Variants in CATSPERG observed in about 807,000 individuals in gnomAD.
CATSPERG encodes catsper channel auxiliary subunit gamma.
A neutral mutation model predicts 145.0 loss-of-function variants in CATSPERG; 115 were observed. The observed-to-expected ratio is 0.79, with a 90% CI of 0.68 to 0.93. The LOEUF (loss-of-function observed/expected upper bound fraction) is 0.93. CATSPERG is among the 40% of genes least tolerant of loss of function. The pLI is 0.00. For synonymous variants in CATSPERG, 588 were observed against 589.0 expected (o/e 1.00, Z 0.02); for missense variants, 1,296 against 1,490.1 (o/e 0.87, Z 2.14).
Position 38,362,214 on chromosome 19 carries a change from A to C in CATSPERG, c.2099A>C (p.Tyr700Ser). The change falls in exon 18 of 29, where the codon TAC (tyrosine) becomes TCC (serine). Residue 700 changes from tyrosine (Y) to serine (S), a missense_variant. Physicochemically the swap from Tyr to Ser is moderately radical, Grantham distance 144. Transcript: ENST00000409235. ...GGTGCCGGGCGATCCCTGCAGCCGT[A>C]CGCGGACCCGGTGCACGACCCCACC... Reference protein sequence around the residue: ...LWLHSVYDKPYADPVHDPTWR... With the variant: ...LWLHSVYDKPSADPVHDPTWR... The C allele has an allele frequency of 1.3e-6, 2 of 1,596,932 alleles. No homozygotes were observed. Among genetic ancestry groups the C allele is most frequent in the South Asian group, 2.2e-5 (2 of 89,572 alleles).
At chr19:38,365,027 G>A (rs375436260) in intron 21 of CATSPERG, 34 bp from the exon 22 acceptor site, 19 of 1,613,762 alleles carry the variant, frequency 1.2e-5, no homozygotes, top group South Asian at 4.4e-5. Flanking sequence ...CTGGGCCGGC[G>A]GGGATCACCA....
At position 38,344,332 on chromosome 19, in the gene CATSPERG, C is replaced by A. The variant is rs992368428; in HGVS notation, c.633C>A (p.Asp211Glu). ...ATATCAACGGCTTCCTGAAGAGAGA[C>A]CGGGACAATAACATCCAATTCACTG... ...QMNINGFLKR[D>E]RDNNIQFTVG... The change falls in exon 6 of 29, where the codon GAC (aspartate) becomes GAA (glutamate). Residue 211 changes from aspartate to glutamate, a missense_variant. By Grantham distance (45) the Asp-to-Glu change is conservative. Transcript: ENST00000409235. 6.4e-7 allele frequency: 1 copy of A among 1,551,746 alleles called. No homozygotes were observed. The highest frequency in any genetic ancestry group is 8.7e-7 in the Non-Finnish European group (1 of 1,147,002).
Position 38,344,047 on chromosome 19 carries a change from T to A in CATSPERG, c.524T>A (p.Ile175Asn), listed in dbSNP as rs1408758553. 1.9e-6 allele frequency: 3 copies of A among 1,551,362 alleles called. No individual in the cohort carries two copies. The highest frequency in any genetic ancestry group is 2.0e-5 in the Admixed American group (1 of 50,962). ...CSMSWYTPMP[I>N]KKGSVVMRVD... ...ATGAGCTGGTACACGCCCATGCCCA[T>A]CAAGAAAGGCAGTGTGGTCATGCGT... Residue 175 changes from isoleucine (I) to asparagine (N), a missense_variant, in exon 5 of 29, where the codon ATC becomes AAC. By Grantham distance (149) the Ile-to-Asn change is moderately radical. Coordinates refer to ENST00000409235, the MANE Select transcript of CATSPERG (RefSeq NM_021185.5).
At chr19:38,362,176 C>G (rs775447479) in intron 17 of CATSPERG, 34 bp from the exon 18 acceptor site, 1 of 1,561,098 alleles carries the variant, frequency 6.4e-7, no homozygotes, top group South Asian at 1.2e-5. Flanking sequence ...GCCCCGCTGC[C>G]CAATCCCTTC....
intron 6 of CATSPERG, 93 bp downstream of exon 6, chr19:38,344,461 G>A: frequency 9.1e-7 from 1 of 1,101,472 alleles, no homozygotes; most frequent in South Asian, 1.3e-5. Flanking sequence ...CCCATTTAGG[G>A]AGCACCAACT....
intron 3 of CATSPERG, among the ~76,000 whole-genome samples, chr19:38,342,469 G>T (rs1969954795): frequency 6.6e-6 from 1 of 151,772 alleles, no homozygotes; most frequent in Non-Finnish European, 1.5e-5. Context: ...GCATGGTGGT[G>T]CACGTGTGTA....
chr19:38,351,299 GTTAT>G (rs756555605), intron 7 of CATSPERG, among the ~76,000 whole-genome samples: 6 of 151,728 alleles, frequency 4.0e-5, no homozygotes, highest in East Asian at 2.0e-4. Context: ...CGTCTACACA[GTTAT>G]TTATTTATTT....
intron 3 of CATSPERG, among the ~76,000 whole-genome samples, chr19:38,341,467 T>C (rs751062774): frequency 2.0e-5 from 3 of 152,072 alleles, no homozygotes; most frequent in Non-Finnish European, 4.4e-5. Flanking sequence ...GTTGACAGGA[T>C]TGAAAAGAGC....
intron 26 of CATSPERG, chr19:38,369,752 T>C: frequency 3.4e-6 from 2 of 584,346 alleles, no homozygotes; most frequent in East Asian, 5.9e-5. Flanking sequence ...AATTGACAGA[T>C]GGAGGTGTGA....
At chr19:38,352,708 G>A (rs918630629) in intron 8 of CATSPERG, among the ~76,000 whole-genome samples, 9 of 150,256 alleles carry the variant, frequency 6.0e-5, no homozygotes, top group Admixed American at 4.0e-4. Flanking sequence ...GGTAGAGAGA[G>A]GCAGACCCAC....
At chr19:38,339,704 A>C (rs1009091378) in intron 3 of CATSPERG, among the ~76,000 whole-genome samples, 1 of 152,122 alleles carries the variant, frequency 6.6e-6, no homozygotes, top group Non-Finnish European at 1.5e-5. Flanking sequence ...ACTAAAGATC[A>C]TGAAGACTTA....
At chr19:38,352,575 C>T (rs61179863) in intron 8 of CATSPERG, 143 bp downstream of exon 8, 2 of 755,266 alleles carry the variant, frequency 2.6e-6, no homozygotes, top group East Asian at 2.7e-5. Flanking sequence ...TTGCCCACCC[C>T]GAATGGGCCT....
chr19:38,339,381 A>C (rs1969899211), intron 3 of CATSPERG, among the ~76,000 whole-genome samples: 1 of 152,136 alleles, frequency 6.6e-6, no homozygotes, highest in African/African-American at 2.4e-5. Flanking sequence ...ACCCTTTAGC[A>C]CAGAGCTTGG....
intron 7 of CATSPERG, among the ~76,000 whole-genome samples, chr19:38,350,161 T>C (rs1447605870): frequency 6.6e-6 from 1 of 152,044 alleles, no homozygotes; most frequent in Non-Finnish European, 1.5e-5. Context: ...TGAGAAGGGG[T>C]CACCTGGCTA....
chr19:38,337,485 C>T lies in CATSPERG; in HGVS notation c.251C>T (p.Ser84Leu). The part of the protein sequence containing the change: ...VSSLFHMLVD[S>L]PIDPSEKYLG... ...AGCTTGTTTCACATGCTGGTGGACT[C>T]ACCCATCGACCCGAGCGAGGTGAGG... Residue 84 changes from serine to leucine, a missense_variant, in exon 2 of 29, where the codon TCA becomes TTA. Transcript: ENST00000409235. 2.6e-6 allele frequency: 4 copies of T among 1,552,102 alleles called. No individual in the cohort carries two copies. The highest frequency in any genetic ancestry group is 3.5e-6 in the Non-Finnish European group (4 of 1,147,084).
chr19:38,347,579 A>G (rs1329935204), intron 7 of CATSPERG, among the ~76,000 whole-genome samples: 1 of 152,176 alleles, frequency 6.6e-6, no homozygotes, highest in Non-Finnish European at 1.5e-5. Flanking sequence ...CGACAGAACT[A>G]TGTTGGAATT....
At chr19:38,353,063 G>T (rs1970175789) in intron 8 of CATSPERG, among the ~76,000 whole-genome samples, 1 of 149,420 alleles carries the variant, frequency 6.7e-6, no homozygotes, top group Non-Finnish European at 1.5e-5. Context: ...GCTGGGCATG[G>T]TGGCTCATGC....
rs765177389 is a variant in CATSPERG, at chr19:38,370,277, G to A, written c.3213+19G>A. ...CATCATGGTGAGTGGCTGTCCGGGA[G>A]CTGCCCTACTGGGTGGGCAGGGGCC... On this transcript the variant is annotated intron_variant, in intron 28 of 28. Transcript: ENST00000409235. 58 of 1,609,092 alleles carry A rather than the reference G, an allele frequency of 3.6e-5. No homozygotes were observed. The South Asian group carries it at 6.4e-4, about 18-fold the overall frequency.
Position 38,344,114 on chromosome 19 carries a change from T to C in CATSPERG, c.591T>C (p.Asp197=). ...ATGGCCTGGGGACCTTCATTCCAGA[T>C]AAAAGGTACCCTTTCCCAAGACGGG... ...SSNGLGTFIP[D]KRFQMNINGF... is the part of the protein sequence containing the mutation. The change falls in exon 5 of 29, where the codon GAT becomes GAC. Residue 197 remains aspartate, a synonymous_variant. Transcript: ENST00000409235. 1 of 1,551,504 alleles carries C rather than the reference T, an allele frequency of 6.4e-7. No individual in the cohort carries two copies. Among genetic ancestry groups the C allele is most frequent in the Non-Finnish European group, 8.7e-7 (1 of 1,146,926 alleles).
Sources: allele counts gnomAD v4.1 joint callset (sites outside exome capture counted in the v4.1 genomes callset), GRCh38; gene constraint gnomAD v4.1.1; transcripts MANE v1.5; gene names NCBI Gene and HGNC (gene_info 2026-07-23, HGNC 2026-07-21).